Variants in WWOX observed in about 807,000 individuals in gnomAD.
WWOX encodes WW domain containing oxidoreductase.
A neutral mutation model predicts 46.2 loss-of-function variants in WWOX; 69 were observed. The ratio of observed to expected loss-of-function variants is 1.49; its 90% CI spans 1.23 to 1.82. The LOEUF (loss-of-function observed/expected upper bound fraction) is 1.82. WWOX is among the 40% of genes most tolerant of loss of function. WWOX has a pLI of 0.00. For synonymous variants in WWOX, 359 were observed against 202.6 expected, an observed-to-expected ratio of 1.77 and a Z score of -6.56; for missense variants, 919 against 542.6, an observed-to-expected ratio of 1.69 and a Z score of -6.89.
intron 5 of WWOX, among the ~76,000 whole-genome samples, chr16:78,312,546 T>G (rs2080268654): frequency 6.6e-6 from 1 of 152,064 alleles, no homozygotes; most frequent in Non-Finnish European, 1.5e-5. Context: ...AGCTAACTTT[T>G]GAATTTTTAG....
chr16:78,474,448 G>T (rs2084308684), intron 8 of WWOX, among the ~76,000 whole-genome samples: 1 of 152,132 alleles, frequency 6.6e-6, no homozygotes. Context: ...TTGTCAGATT[G>T]GTTTAGGTAG....
intron 8 of WWOX, among the ~76,000 whole-genome samples, chr16:78,628,456 A>C (rs184601389): frequency 2.0e-5 from 3 of 152,272 alleles, no homozygotes; most frequent in Non-Finnish European, 1.5e-5. Flanking sequence ...CAAGCTCCCA[A>C]GGGGACCTGA....
chr16:79,026,452 C>G (rs1259321258), intron 8 of WWOX, among the ~76,000 whole-genome samples: 1 of 151,650 alleles, frequency 6.6e-6, no homozygotes, highest in Non-Finnish European at 1.5e-5. Context: ...TGTCCCCTTC[C>G]TTCTCACATC....
chr16:78,955,991 CAAAA>C (rs35717909), intron 8 of WWOX, among the ~76,000 whole-genome samples: 1 of 147,876 alleles, frequency 6.8e-6, no homozygotes, highest in African/African-American at 2.5e-5. Flanking sequence ...AAACAAAAAA[CAAAA>C]AAAAACACAA....
intron 5 of WWOX, among the ~76,000 whole-genome samples, chr16:78,244,911 T>C (rs563935372): frequency 6.6e-6 from 1 of 152,324 alleles, no homozygotes; most frequent in African/African-American, 2.4e-5. Context: ...TACTCCAAAG[T>C]TGAAAAAAAG....
chr16:79,099,675 A>G (rs1447807173), intron 8 of WWOX, among the ~76,000 whole-genome samples: 1 of 152,190 alleles, frequency 6.6e-6, no homozygotes, highest in Non-Finnish European at 1.5e-5. Context: ...TGTTTTTAAC[A>G]TATTGCACCA....
intron 6 of WWOX, among the ~76,000 whole-genome samples, chr16:78,404,377 C>G (rs975500800): frequency 2.6e-5 from 4 of 152,086 alleles, no homozygotes; most frequent in African/African-American, 9.7e-5. Context: ...CCACCTCTAT[C>G]CTTCAGGGGT....
intron 8 of WWOX, among the ~76,000 whole-genome samples, chr16:78,507,011 A>AC (rs2085225106): frequency 6.6e-6 from 1 of 152,066 alleles, no homozygotes; most frequent in African/African-American, 2.4e-5. Context: ...ACCGTGCACG[A>AC]CCTCAGGGTC....
At position 78,923,794 on chromosome 16, in the gene WWOX, G is replaced by GTTTTT. The variant is rs56852814; in HGVS notation, c.1057-287795_1057-287791dup. Among the ~76,000 whole-genome samples, 342 of 102,116 alleles carry GTTTTT rather than the reference G, an allele frequency of 3.3e-3. 10 individuals are homozygous for GTTTTT. Among genetic ancestry groups the GTTTTT allele is most frequent in the African/African-American group, 0.01 (230 of 22,000 alleles). 67.0% of individuals were successfully genotyped at this position (102,116 alleles called of 152,430 possible). ...GATTGCTAGGAACTGTTTTTAGTTA[G>GTTTTT]TTTTTTTTTTTTTTTTTTTTTTTCA... On this transcript the variant is annotated intron_variant, in intron 8 of 8. Transcript: ENST00000566780.
At chr16:79,176,529 G>C (rs2011200) in intron 8 of WWOX, among the ~76,000 whole-genome samples, 77,059 of 152,048 alleles carry the variant, frequency 0.51, 20,304 homozygotes, top group East Asian at 0.87. Flanking sequence ...ATTAGCATCT[G>C]CAGTCTCTGG....
At chr16:78,302,258 G>A (rs1425345630) in intron 5 of WWOX, among the ~76,000 whole-genome samples, 1 of 152,162 alleles carries the variant, frequency 6.6e-6, no homozygotes, top group Non-Finnish European at 1.5e-5. Flanking sequence ...ACTGTGCCCG[G>A]CCTTAGATGA....
intron 8 of WWOX, among the ~76,000 whole-genome samples, chr16:78,560,367 G>A (rs1475810806): frequency 6.6e-6 from 1 of 152,206 alleles, no homozygotes; most frequent in African/African-American, 2.4e-5. Flanking sequence ...TAGTGGCCAG[G>A]TGCGGTGGCT....
At chr16:78,859,050 G>GTATATA (rs1163926433) in intron 8 of WWOX, among the ~76,000 whole-genome samples, 181 of 40,790 alleles carry the variant, frequency 4.4e-3, no homozygotes, top group African/African-American at 0.013. Flanking sequence ...ATATATATAT[G>GTATATA]TATATATATA....
intron 5 of WWOX, among the ~76,000 whole-genome samples, chr16:78,172,030 G>C (rs2035179514): frequency 6.6e-6 from 1 of 152,196 alleles, no homozygotes; most frequent in Non-Finnish European, 1.5e-5. Context: ...GCTGGAAGAG[G>C]CATAGACTTT....
chr16:78,629,619 C>A (rs947728153), intron 8 of WWOX, among the ~76,000 whole-genome samples: 1 of 152,186 alleles, frequency 6.6e-6, no homozygotes, highest in African/African-American at 2.4e-5. Flanking sequence ...CCACTTTCCC[C>A]AGAAACCTGC....
At chr16:78,923,794 G>GTT (rs56852814) in intron 8 of WWOX, among the ~76,000 whole-genome samples, 3,209 of 101,738 alleles carry the variant, frequency 0.032, 259 homozygotes, top group East Asian at 0.067. Context: ...TTTTTAGTTA[G>GTT]TTTTTTTTTT....
At chr16:78,970,220 A>G (rs375126703) in intron 8 of WWOX, among the ~76,000 whole-genome samples, 3 of 152,138 alleles carry the variant, frequency 2.0e-5, no homozygotes, top group East Asian at 3.9e-4. Context: ...AGCTCTTTTG[A>G]TAACCACAGC....
At chr16:78,704,764 G>C (rs1405550833) in intron 8 of WWOX, among the ~76,000 whole-genome samples, 2 of 152,112 alleles carry the variant, frequency 1.3e-5, no homozygotes, top group African/African-American at 4.8e-5. Flanking sequence ...TCTCCCTGTT[G>C]ACTCCTTTCT....
intron 8 of WWOX, among the ~76,000 whole-genome samples, chr16:78,576,025 G>T (rs1308135496): frequency 6.6e-6 from 1 of 151,786 alleles, no homozygotes; most frequent in Non-Finnish European, 1.5e-5. Context: ...TTATTTATGA[G>T]GCTTTTTTTA....
Sources: allele counts gnomAD v4.1 joint callset (sites outside exome capture counted in the v4.1 genomes callset), GRCh38; gene constraint gnomAD v4.1.1; transcripts MANE v1.5; gene names NCBI Gene and HGNC (gene_info 2026-07-23, HGNC 2026-07-21).